Variants in STK3 observed in about 807,000 individuals in gnomAD.
STK3 encodes serine/threonine kinase 3.
Under a neutral mutation model 58.0 loss-of-function variants are expected in STK3, and 41 were observed. The observed-to-expected ratio is 0.71, with a 90% CI of 0.55 to 0.92. The LOEUF (loss-of-function observed/expected upper bound fraction) is 0.92. Among genes scored for constraint, STK3 ranks in the 40% least tolerant of loss-of-function variants. The pLI, the probability that STK3 is intolerant of heterozygous loss-of-function variation, is 0.00. For missense variants in STK3, 479 were observed against 602.7 expected, an observed-to-expected ratio of 0.79 and a Z score of 2.15; for synonymous variants, 170 against 191.0, an observed-to-expected ratio of 0.89 and a Z score of 0.91.
intron 6 of STK3, among the ~76,000 whole-genome samples, chr8:98,663,414 G>C (rs1019163527): frequency 3.9e-5 from 6 of 152,174 alleles, no homozygotes; most frequent in Non-Finnish European, 4.4e-5. Context: ...CACTTTTACA[G>C]TGTTGGTGGG....
intron 3 of STK3, among the ~76,000 whole-genome samples, chr8:98,865,347 GGCCATATAGTTTAT>G (rs1837094340): frequency 1.3e-5 from 2 of 152,010 alleles, no homozygotes; most frequent in South Asian, 2.1e-4. Context: ...AATCCAAAAT[GGCCATATAGTTTAT>G]GCCATATAGT....
At chr8:98,893,472 AAGAAAG>A (rs1162079009) in intron 1 of STK3, among the ~76,000 whole-genome samples, 19 of 86,230 alleles carry the variant, frequency 2.2e-4, no homozygotes, top group African/African-American at 1.1e-3. Flanking sequence ...GAAAGAAAGA[AAGAAAG>A]AAAGAAAGAG....
chr8:98,497,097 T>C lies in STK3; in HGVS notation c.1317+29645A>G, dbSNP rs933505591. 8.5e-5 allele frequency among the ~76,000 whole-genome samples: 13 copies of C among 152,234 alleles called. 1 individual carries two copies. Among genetic ancestry groups the C allele is most frequent in the South Asian group, 2.1e-4 (1 of 4,822 alleles). ...AGACAGTGTGGTAGTGGCATGAAGA[T>C]AGACATATAGATCAGTGGAACACAA... On this transcript the variant is annotated intron_variant, in intron 10 of 10. Coordinates refer to ENST00000419617, the MANE Select transcript of STK3 (RefSeq NM_006281.4).
chr8:98,365,707 C>A, the STK3 span, among the ~76,000 whole-genome samples: 1 of 152,226 alleles, frequency 6.6e-6, no homozygotes, highest in South Asian at 2.1e-4. Context: ...ATATTTTCAC[C>A]ACACATGAAT....
chr8:98,689,686 G>A (rs1436163883), intron 6 of STK3, among the ~76,000 whole-genome samples: 1 of 152,112 alleles, frequency 6.6e-6, no homozygotes, highest in East Asian at 1.9e-4. Context: ...AGGAGGCTGA[G>A]ATGGGAAGAT....
At chr8:98,767,604 T>C (rs1418582944) in intron 2 of STK3, among the ~76,000 whole-genome samples, 1 of 152,240 alleles carries the variant, frequency 6.6e-6, no homozygotes, top group Non-Finnish European at 1.5e-5. Context: ...GTAGCTATTT[T>C]TCTTATGAAT....
At position 98,840,604 on chromosome 8, in the gene STK3, T is replaced by C. The variant is rs966521273; in HGVS notation, c.110+43043A>G. 5.4e-5 allele frequency among the ~76,000 whole-genome samples: 7 copies of C among 129,654 alleles called. No homozygotes were observed. In the East Asian group the frequency reaches 1.4e-3, roughly 25 times the overall value. 85.1% of individuals were successfully genotyped at this position (129,654 alleles called of 152,430 possible). A position where few individuals can be genotyped will look rare whatever the true frequency, so the allele number is the denominator to read the frequency against. Reference sequence around the variant, plus strand: ...AAATGTATATATATATATATATATATATATATATATATATATATATATATA... The same window carrying C: ...AAATGTATATATATATATATATATACATATATATATATATATATATATATA... On this transcript the variant is annotated intron_variant, in intron 3 of 12. Coordinates refer to the STK3 transcript ENST00000523601.
At chr8:98,788,757 A>G (rs1832631624) in intron 1 of STK3, among the ~76,000 whole-genome samples, 1 of 152,186 alleles carries the variant, frequency 6.6e-6, no homozygotes, top group Non-Finnish European at 1.5e-5. Flanking sequence ...TGGAGCTCCC[A>G]AATTTATAAA....
At chr8:98,439,165 C>G (rs1013275181) in intron 1 of STK3, 1 of 152,200 alleles carries the variant, frequency 6.6e-6, no homozygotes, top group Non-Finnish European at 1.5e-5. Flanking sequence ...CCCCGCTAGT[C>G]TGGAAGCTCC....
At chr8:98,507,548 CAGTT>C (rs1243148011) in intron 10 of STK3, among the ~76,000 whole-genome samples, 1 of 152,164 alleles carries the variant, frequency 6.6e-6, no homozygotes, top group African/African-American at 2.4e-5. Flanking sequence ...TAAAGTCAGT[CAGTT>C]AGAGATCAAG....
At chr8:98,423,105 C>T (rs1321965556) in intron 3 of STK3, among the ~76,000 whole-genome samples, 2 of 152,184 alleles carry the variant, frequency 1.3e-5, no homozygotes, top group Non-Finnish European at 2.9e-5. Context: ...CTTCTTGATG[C>T]ATCAGGAGGA....
At chr8:98,476,952 C>G (rs1821358509) in intron 10 of STK3, among the ~76,000 whole-genome samples, 1 of 152,162 alleles carries the variant, frequency 6.6e-6, no homozygotes, top group African/African-American at 2.4e-5. Context: ...ACAGCAACTG[C>G]AAGAACTCTC....
chr8:98,850,648 G>A (rs1479584575), intron 3 of STK3, among the ~76,000 whole-genome samples: 1 of 152,158 alleles, frequency 6.6e-6, no homozygotes, highest in African/African-American at 2.4e-5. Flanking sequence ...AAGGCATGAA[G>A]ATGTAAAAGG....
chr8:98,651,987 C>A (rs1473112385), intron 6 of STK3, among the ~76,000 whole-genome samples: 4 of 151,950 alleles, frequency 2.6e-5, no homozygotes, highest in Non-Finnish European at 5.9e-5. Flanking sequence ...GAGAACGCCA[C>A]AAAGATACTC....
At chr8:98,520,830 A>T (rs1476577020) in intron 10 of STK3, among the ~76,000 whole-genome samples, 1 of 152,222 alleles carries the variant, frequency 6.6e-6, no homozygotes, top group African/African-American at 2.4e-5. Context: ...GATTTCCCTC[A>T]TTAACAGCTG....
chr8:98,598,678 A>G (rs1816041031), intron 6 of STK3: 2 of 985,312 alleles, frequency 2.0e-6, no homozygotes, highest in Admixed American at 6.1e-5. Context: ...TAGACTAACA[A>G]TTCATTCCCT....
intron 9 of STK3, among the ~76,000 whole-genome samples, chr8:98,540,276 TAG>T (rs1173216469): frequency 6.6e-6 from 1 of 152,230 alleles, no homozygotes; most frequent in Non-Finnish European, 1.5e-5. Context: ...GAAGCACTTG[TAG>T]AGTTTTTAAA....
intron 3 of STK3, among the ~76,000 whole-genome samples, chr8:98,408,465 G>C (rs1284423518): frequency 6.6e-6 from 1 of 152,252 alleles, no homozygotes; most frequent in South Asian, 2.1e-4. Flanking sequence ...ACATTGCCAC[G>C]GCCATGAGAA....
At chr8:98,831,221 C>T (rs1315851664) in intron 3 of STK3, among the ~76,000 whole-genome samples, 1 of 152,050 alleles carries the variant, frequency 6.6e-6, no homozygotes, top group Non-Finnish European at 1.5e-5. Context: ...AAGATAGAAA[C>T]ATATTAAGGT....
Sources: gnomAD v4.1 joint callset for allele counts (sites outside exome capture counted in the v4.1 genomes callset) on GRCh38, gnomAD v4.1.1 for gene constraint, MANE v1.5 for transcripts, NCBI Gene and HGNC (gene_info 2026-07-23, HGNC 2026-07-21) for gene names.